The following TICRR variants were observed in gnomAD, a reference collection of about 807,000 sequenced individuals.
The protein encoded by TICRR is TOPBP1 interacting checkpoint and replication regulator, also known as treslin.
Under a neutral mutation model 178.1 loss-of-function variants are expected in TICRR, and 132 were observed. The ratio of observed to expected loss-of-function variants is 0.74; its 90% CI spans 0.64 to 0.86. The LOEUF (loss-of-function observed/expected upper bound fraction) is 0.86, where lower values mean the gene tolerates loss of function less well. Ranked by LOEUF, TICRR falls within the 40% of genes least tolerant of loss-of-function variation. The pLI is 0.00. For missense variants in TICRR, 2,587 were observed against 2,334.3 expected (o/e 1.11, Z -2.23); for synonymous variants, 991 against 900.7 (o/e 1.10, Z -1.79).
Position 89,623,752 on chromosome 15 carries a change from A to T in TICRR, c.3442A>T (p.Thr1148Ser). The T allele has an allele frequency of 6.2e-7, 1 of 1,614,086 alleles. No individual in the cohort carries two copies. Among genetic ancestry groups the T allele is most frequent in the Non-Finnish European group, 8.5e-7 (1 of 1,180,002 alleles). The change falls in exon 20 of 22, where the codon ACA becomes TCA. Residue 1148 changes from threonine to serine, a missense_variant. By Grantham distance (58) the Thr-to-Ser change is moderately conservative. Transcript: ENST00000268138. ...GAAGTCCCCTGCAAAAATGACCCCT[A>T]CAAAGCAGGCAGCTTTTAAGGAGTC... ...LQKSPAKMTP[T>S]KQAAFKESLK...
At chr15:89,591,951 G>A (rs1181535288) in intron 4 of TICRR, 96 bp from the exon 5 acceptor site, 9 of 1,085,052 alleles carry the variant, frequency 8.3e-6, no homozygotes, top group Non-Finnish European at 9.2e-6. Context: ...CCTTTGGAGG[G>A]ATGCAGTCAG....
At chr15:89,585,149 G>GA (rs1962798425) in intron 3 of TICRR, among the ~76,000 whole-genome samples, 1 of 152,176 alleles carries the variant, frequency 6.6e-6, no homozygotes, top group African/African-American at 2.4e-5. Flanking sequence ...ATATTCTAGA[G>GA]AAAAATACGG....
chr15:89,602,915 G>A, intron 13 of TICRR, 23 bp downstream of exon 13: 1 of 1,338,274 alleles, frequency 7.5e-7, no homozygotes, highest in African/African-American at 1.5e-5. Context: ...TCCAGCTTGA[G>A]ATGACACAGT....
chr15:89,624,559 C>T lies in TICRR; in HGVS notation c.4249C>T (p.Pro1417Ser). 1 of 1,613,742 alleles carries T rather than the reference C, an allele frequency of 6.2e-7. No homozygotes were observed. Among genetic ancestry groups the T allele is most frequent in the Non-Finnish European group, 8.5e-7 (1 of 1,179,836 alleles). The change falls in exon 20 of 22, where the codon CCC becomes TCC. Residue 1417 changes from proline (P) to serine (S), a missense_variant. Transcript: ENST00000268138. The stretch of plus-strand genomic sequence containing the variant: ...TGGCACAGCTGACAGCCCAGCTGCC[C>T]CCACAGACTCTAGAGATGACCAGAA... ...GVGTADSPAAPTDSRDDQKGL... is the reference protein window; with the variant it reads ...GVGTADSPAASTDSRDDQKGL...
In TICRR at chr15:89,627,262, C is replaced by A. The variant is rs1401203142; in HGVS notation, c.*176C>A. 3 of 739,004 alleles carry A rather than the reference C, an allele frequency of 4.1e-6. No individual in the cohort carries two copies. Among genetic ancestry groups the A allele is most frequent in the East Asian group, 5.5e-5 (2 of 36,102 alleles). The allele number at this position is 739,004 out of a possible 1,614,324, so 45.8% of individuals were successfully genotyped here. On this transcript the variant is annotated 3_prime_UTR_variant, in exon 22 of 22. Transcript: ENST00000268138. ...GATCCAATCCATCTCCTGGCCCTGC[C>A]CCTTGTTGGGGAAGTTGCAGGAGGA...
chr15:89,615,030 T>C (rs1963312585), intron 15 of TICRR, among the ~76,000 whole-genome samples: 1 of 152,240 alleles, frequency 6.6e-6, no homozygotes, highest in African/African-American at 2.4e-5. Flanking sequence ...TGTGGACTTT[T>C]GGATGCCTAA....
intron 1 of TICRR, among the ~76,000 whole-genome samples, chr15:89,578,325 T>A (rs769273861): frequency 6.6e-6 from 1 of 152,132 alleles, no homozygotes; most frequent in Non-Finnish European, 1.5e-5. Context: ...ATTTTCAAAG[T>A]GCTTTCACAT....
chr15:89,619,709 A>C lies in TICRR; in HGVS notation c.3021A>C (p.Glu1007Asp), dbSNP rs765431358. The change falls in exon 18 of 22, where the codon GAA (glutamate) becomes GAC (aspartate). Residue 1007 changes from glutamate to aspartate, a missense_variant and splice_region_variant. Transcript: ENST00000268138. The part of the protein sequence containing the change: ...VVEESPEKGD[E>D]ISLRRSPRIK... Reference sequence around the variant, plus strand: ...CTTACTGTGGTTCTGATTTTACAGAAATAAGTCTGAGACGAAGTCCTCGAA... The same window carrying C: ...CTTACTGTGGTTCTGATTTTACAGACATAAGTCTGAGACGAAGTCCTCGAA... 3 of 1,606,998 alleles carry C rather than the reference A, an allele frequency of 1.9e-6. No homozygotes were observed. The East Asian group carries it at 6.7e-5, about 36-fold the overall frequency.
chr15:89,600,009 G>T (rs1284695692), intron 8 of TICRR, among the ~76,000 whole-genome samples: 2 of 152,176 alleles, frequency 1.3e-5, no homozygotes, highest in Non-Finnish European at 2.9e-5. Flanking sequence ...GGGAGGCTGA[G>T]GCAGGAGAAT....
intron 21 of TICRR, 122 bp downstream of exon 21, chr15:89,626,183 C>G (rs753718534): frequency 9.0e-7 from 1 of 1,111,426 alleles, no homozygotes; most frequent in African/African-American, 1.6e-5. Flanking sequence ...TAGGTGACTT[C>G]GCGCCTACAG....
chr15:89,600,739 C>A, intron 9 of TICRR, 54 bp downstream of exon 9: 1 of 852,666 alleles, frequency 1.2e-6, no homozygotes. Context: ...GTGAGATTAG[C>A]TCGTATCAGT....
chr15:89,617,277 T>C (rs1265516714), intron 16 of TICRR, among the ~76,000 whole-genome samples: 2 of 152,188 alleles, frequency 1.3e-5, no homozygotes, highest in African/African-American at 2.4e-5. Flanking sequence ...GTGAAGTTTA[T>C]AGGTTAAATT....
chr15:89,626,504 C>T (rs1474597455), intron 21 of TICRR, among the ~76,000 whole-genome samples: 2 of 152,182 alleles, frequency 1.3e-5, no homozygotes, highest in Admixed American at 6.5e-5. Flanking sequence ...CCTTCCCCTT[C>T]CAAATCCTAT....
Position 89,601,505 on chromosome 15 carries a change from G to A in TICRR, c.2264G>A (p.Arg755His), listed in dbSNP as rs770935257. The A allele has an allele frequency of 3.1e-6, 5 of 1,614,054 alleles. No individual in the cohort carries two copies. In the South Asian group the frequency reaches 3.3e-5, roughly 11 times the overall value. ...CTCCTTCAGGTGACAGATTTGCTGC[G>A]CATGGTGTGTTTAACTGAGGATTCA... Reference protein sequence around the residue: ...QVVEEVTDLLRMVCLTEDSAY... With the variant: ...QVVEEVTDLLHMVCLTEDSAY... Residue 755 changes from arginine to histidine, a missense_variant, in exon 11 of 22, where the codon CGC becomes CAC. Transcript: ENST00000268138.
chr15:89,602,837 C>T lies in TICRR; in HGVS notation c.2609C>T (p.Ser870Leu), dbSNP rs764362847. 1.3e-6 allele frequency: 2 copies of T among 1,524,344 alleles called. No individual in the cohort carries two copies. The highest frequency in any genetic ancestry group is 2.7e-5 in the South Asian group (2 of 74,438). The allele number at this position is 1,524,344 out of a possible 1,614,324, so 94.4% of individuals were successfully genotyped here. A position where few individuals can be genotyped will look rare whatever the true frequency, so the allele number is the denominator to read the frequency against. Residue 870 changes from serine (S) to leucine (L), a missense_variant, in exon 13 of 22, where the codon TCA becomes TTA. Ser to Leu is a moderately radical substitution (Grantham distance 145). Coordinates refer to ENST00000268138, the MANE Select transcript of TICRR (RefSeq NM_152259.4). ...LIRHKSIAEV[S>L]QNLRQIEIPK... is the part of the protein sequence containing the mutation. ...AGACATAAAAGCATTGCTGAGGTTT[C>T]ACAGAATCTTCGACAAATTGAAATT... is the stretch of plus-strand genomic sequence containing the variant.
chr15:89,621,436 G>C lies in TICRR; in HGVS notation c.3198G>C (p.Lys1066Asn), dbSNP rs756678525. 2 of 1,613,960 alleles carry C rather than the reference G, an allele frequency of 1.2e-6. No homozygotes were observed. The highest frequency in any genetic ancestry group is 1.7e-6 in the Non-Finnish European group (2 of 1,179,980). Reference protein sequence around the residue: ...NSPVQSIRSPKSLLFGAMSEM... With the variant: ...NSPVQSIRSPNSLLFGAMSEM... Reference sequence around the variant, plus strand: ...CAGTCCAAAGTATTCGGTCTCCCAAGAGTCTTCTTTTTGGGGCAATGTCTG... The same window carrying C: ...CAGTCCAAAGTATTCGGTCTCCCAACAGTCTTCTTTTTGGGGCAATGTCTG... The change falls in exon 19 of 22, where the codon AAG becomes AAC. Residue 1066 changes from lysine (K) to asparagine (N), a missense_variant. Coordinates refer to ENST00000268138, the MANE Select transcript of TICRR (RefSeq NM_152259.4).
intron 16 of TICRR, among the ~76,000 whole-genome samples, chr15:89,617,524 CATCTCACTCTTTTTCTGAGTAGGA>C (rs1347208003): frequency 6.6e-6 from 1 of 151,918 alleles, no homozygotes; most frequent in African/African-American, 2.4e-5. Context: ...ACATTCTAAC[CATCTCACTCTTTTTCTGAGTAGGA>C]ATCTCACTCT....
At chr15:89,589,347 C>G (rs4932136) in intron 4 of TICRR, among the ~76,000 whole-genome samples, 67,857 of 151,934 alleles carry the variant, frequency 0.45, 15,724 homozygotes, top group Non-Finnish European at 0.52. Flanking sequence ...GGCCCACCCC[C>G]ACTCCTGCCC....
At chr15:89,614,196 A>G (rs1256649874) in intron 15 of TICRR, among the ~76,000 whole-genome samples, 1 of 152,130 alleles carries the variant, frequency 6.6e-6, no homozygotes, top group Non-Finnish European at 1.5e-5. Flanking sequence ...TTGTTCTAGT[A>G]AGTCCAATGT....
Sources: allele counts gnomAD v4.1 joint callset (sites outside exome capture counted in the v4.1 genomes callset), GRCh38; gene constraint gnomAD v4.1.1; transcripts MANE v1.5; gene names NCBI Gene and HGNC (gene_info 2026-07-23, HGNC 2026-07-21).